CISTR: variants seen among roughly 807,000 people sequenced by gnomAD.
CISTR encodes the protein chondrogenic regulator lncRNA.
At chr12:53,752,883 G>C (rs929317974) in intron 1 of CISTR, among the ~76,000 whole-genome samples, 3 of 152,144 alleles carry the variant, frequency 2.0e-5, no homozygotes, top group Non-Finnish European at 2.9e-5. Context: ...ACCCGCATTA[G>C]TCCTGCCTCA....
At chr12:53,752,310 G>T (rs551034620) in intron 1 of CISTR, among the ~76,000 whole-genome samples, 1 of 152,202 alleles carries the variant, frequency 6.6e-6, no homozygotes, top group Non-Finnish European at 1.5e-5. Context: ...TCCAACCAGC[G>T]AAGTCGAATT....
chr12:53,752,545 C>G (rs1331905118), intron 1 of CISTR, among the ~76,000 whole-genome samples: 1 of 152,148 alleles, frequency 6.6e-6, no homozygotes, highest in Non-Finnish European at 1.5e-5. Context: ...GCTGTGATAA[C>G]GAATGTAACA....
Position 53,751,725 on chromosome 12 carries a change from C to T in CISTR, n.415-760G>A, listed in dbSNP as rs1937854300. On this transcript the variant is annotated intron_variant and non_coding_transcript_variant, in intron 1 of 2. Coordinates refer to ENST00000669269, the Ensembl canonical transcript of CISTR. This position sits in a 1 kb window ranked among gnomAD's most constrained non-coding sequence, Gnocchi z 4.6. ...CCGGGGCGAGGGCAGCGGGCCGGTT[C>T]CCGCCCGCCCGGGGCCGCGGCTTCC... is the stretch of plus-strand genomic sequence containing the variant. 6.6e-6 allele frequency: 1 copy of T among 152,448 alleles called. No homozygotes were observed. The highest frequency in any genetic ancestry group is 1.5e-5 in the Non-Finnish European group (1 of 68,194). 9.4% of individuals were successfully genotyped at this position (152,448 alleles called of 1,614,324 possible).
chr12:53,751,054 A>C lies in CISTR; in HGVS notation n.415-89T>G, dbSNP rs1240993019. The C allele has an allele frequency of 6.5e-6, 1 of 152,720 alleles. No individual in the cohort carries two copies. The highest frequency in any genetic ancestry group is 2.4e-5 in the African/African-American group (1 of 41,448). 9.5% of individuals were successfully genotyped at this position (152,720 alleles called of 1,614,324 possible). On this transcript the variant is annotated intron_variant and non_coding_transcript_variant, in intron 1 of 2. Transcript: ENST00000669269. The surrounding 1 kb of genome is among the most constrained non-coding windows in gnomAD (Gnocchi z 4.6). The stretch of plus-strand genomic sequence containing the variant: ...CACATGAGCAGCCAAAGGGACGGAC[A>C]CTCACACACACACACACGCACACAC...
In CISTR at chr12:53,751,856, T is replaced by C. The variant is rs1370621994; in HGVS notation, n.415-891A>G. 1 of 152,544 alleles carries C rather than the reference T, an allele frequency of 6.6e-6. No homozygotes were observed. Among genetic ancestry groups the C allele is most frequent in the Non-Finnish European group, 1.5e-5 (1 of 68,188 alleles). 9.4% of individuals were successfully genotyped at this position (152,544 alleles called of 1,614,324 possible). A position where few individuals can be genotyped will look rare whatever the true frequency, so the allele number is the denominator to read the frequency against. ...AGTCTAGCTTGCTTTTTAGGGTCTC[T>C]CTCCCGCCTCTTTTCCTCCCCCGCT... is the stretch of plus-strand genomic sequence containing the variant. On this transcript the variant is annotated intron_variant and non_coding_transcript_variant, in intron 1 of 2. Transcript: ENST00000669269. The surrounding 1 kb of genome is among the most constrained non-coding windows in gnomAD (Gnocchi z 4.6).
At chr12:53,747,558 G>T (rs367962122) in intron 2 of CISTR, among the ~76,000 whole-genome samples, 44 of 152,110 alleles carry the variant, frequency 2.9e-4, no homozygotes, top group African/African-American at 1.1e-3. Flanking sequence ...GAGATTTGAT[G>T]ATTACTGGGA....
rs1247043065 is a variant in CISTR, at chr12:53,751,415, T to C, written n.415-450A>G. Among the ~76,000 whole-genome samples the C allele has an allele frequency of 6.6e-6, 1 of 152,134 alleles. No homozygotes were observed. Among genetic ancestry groups the C allele is most frequent in the Non-Finnish European group, 1.5e-5 (1 of 68,006 alleles). ...CCAGCCCTGTCGCCTCCCACCCCCC[T>C]TCCGGCCGCGGCAGTTTCCGAAATC... On this transcript the variant is annotated intron_variant and non_coding_transcript_variant, in intron 1 of 2. Transcript: ENST00000669269. The surrounding 1 kb of genome is among the most constrained non-coding windows in gnomAD (Gnocchi z 4.6).
chr12:53,756,751 T>TGTGTGTGTGTGTGTGTGG lies in CISTR; in HGVS notation n.414+62_414+63insCCACACACACACACACAC, dbSNP rs1937918395. 6.6e-6 allele frequency: 1 copy of TGTGTGTGTGTGTGTGTGG among 151,570 alleles called. No homozygotes were observed. The allele number at this position is 151,570 out of a possible 1,614,324, so 9.4% of individuals were successfully genotyped here. A position where few individuals can be genotyped will look rare whatever the true frequency, so the allele number is the denominator to read the frequency against. ...ATGTGTGTGTGTGTGTGTGTGTGTG[T>TGTGTGTGTGTGTGTGTGG]ACTGGGGAGGGGGGATGAGATGGGA... On this transcript the variant is annotated intron_variant and non_coding_transcript_variant, in intron 1 of 2. Transcript: ENST00000669269. This position sits in a 1 kb window ranked among gnomAD's most constrained non-coding sequence, Gnocchi z 4.0.
At chr12:53,753,665 GGTGTGTGTGTGTGTGTGTGTGTGT>G (rs55769002) in intron 1 of CISTR, among the ~76,000 whole-genome samples, 29 of 141,222 alleles carry the variant, frequency 2.1e-4, no homozygotes, top group African/African-American at 7.2e-4. Flanking sequence ...AATGCATAGG[GGTGTGTGTGTGTGTGTGTGTGTGT>G]GTGTGTGTGT....
chr12:53,749,518 G>T (rs542309873), intron 2 of CISTR, among the ~76,000 whole-genome samples: 1 of 149,620 alleles, frequency 6.7e-6, no homozygotes, highest in East Asian at 2.0e-4. Flanking sequence ...GCAGTGAGTT[G>T]GGGAGGCAAT....
rs35849779 is a variant in CISTR, at chr12:53,756,726, ATGTG to A, written n.414+84_414+87del. 4 of 132,358 alleles carry A rather than the reference ATGTG, an allele frequency of 3.0e-5. No individual in the cohort carries two copies. The highest frequency in any genetic ancestry group is 1.6e-5 in the Non-Finnish European group (1 of 63,642). 8.2% of individuals were successfully genotyped at this position (132,358 alleles called of 1,614,324 possible). On this transcript the variant is annotated intron_variant and non_coding_transcript_variant, in intron 1 of 2. Coordinates refer to ENST00000669269, the Ensembl canonical transcript of CISTR. The surrounding 1 kb of genome is among the most constrained non-coding windows in gnomAD (Gnocchi z 4.0). ...AGTCAGAGTGGGCTGTGGGTCAGTG[ATGTG>A]TGTGTGTGTGTGTGTGTGTGTACTG...
intron 1 of CISTR, chr12:53,754,388 G>T (rs1196506962): frequency 6.6e-6 from 1 of 152,126 alleles, no homozygotes; most frequent in Non-Finnish European, 1.5e-5. Context: ...GGAGATGGGG[G>T]TTAATCTCTC....
intron 1 of CISTR, among the ~76,000 whole-genome samples, chr12:53,755,603 G>A (rs1937905860): frequency 2.8e-5 from 1 of 35,310 alleles, no homozygotes; most frequent in African/African-American, 5.7e-4. Context: ...TTTAATTACA[G>A]TAAGCCCTGA....
At chr12:53,749,552 T>TC (rs977090915) in intron 2 of CISTR, among the ~76,000 whole-genome samples, 8 of 151,326 alleles carry the variant, frequency 5.3e-5, no homozygotes, top group East Asian at 1.9e-4. Flanking sequence ...TTTCTTTCTT[T>TC]TTTTTTAGGG....
At chr12:53,750,490 T>C (rs12422663) in exon 2 of CISTR, 32,238 of 152,316 alleles carry the variant, frequency 0.21, 3,500 homozygotes, top group East Asian at 0.3. Context: ...TGGGGCCCAA[T>C]GGGGATGCAC....
At chr12:53,754,926 C>G (rs1195905282) in intron 1 of CISTR, among the ~76,000 whole-genome samples, 2 of 152,196 alleles carry the variant, frequency 1.3e-5, no homozygotes, top group Non-Finnish European at 2.9e-5. Context: ...TTCCTTCTCA[C>G]ATCCCAGAGA....
In CISTR at chr12:53,751,363, G is replaced by C. The variant is rs546847665; in HGVS notation, n.415-398C>G. ...CCTTTGGCAGTGGGAAGGGGTGTGC[G>C]TGGGTGTCCTCTCCTTCACTCTTTC... On this transcript the variant is annotated intron_variant and non_coding_transcript_variant, in intron 1 of 2. Coordinates refer to ENST00000669269, the Ensembl canonical transcript of CISTR. This position sits in a 1 kb window ranked among gnomAD's most constrained non-coding sequence, Gnocchi z 4.6. Among the ~76,000 whole-genome samples, 6 of 152,232 alleles carry C rather than the reference G, an allele frequency of 3.9e-5. No individual in the cohort carries two copies. In the South Asian group the frequency reaches 1.2e-3, roughly 32 times the overall value.
intron 2 of CISTR, among the ~76,000 whole-genome samples, chr12:53,748,290 C>T (rs189301848): frequency 8.3e-4 from 126 of 152,340 alleles, no homozygotes; most frequent in Non-Finnish European, 1.5e-3. Context: ...CCAAGCCCTC[C>T]GCGCCAGCGC....
At chr12:53,748,350 G>C (rs1259750668) in intron 2 of CISTR, among the ~76,000 whole-genome samples, 1 of 152,324 alleles carries the variant, frequency 6.6e-6, no homozygotes, top group East Asian at 1.9e-4. Context: ...AGGCAGAGAA[G>C]GGGGGAGATG....
Sources: allele counts gnomAD v4.1 joint callset (sites outside exome capture counted in the v4.1 genomes callset), GRCh38; gene constraint gnomAD v4.1.1; non-coding constraint Gnocchi (gnomAD v3.1); transcripts MANE v1.5; gene names NCBI Gene and HGNC (gene_info 2026-07-23, HGNC 2026-07-21).